The following SULF2 variants were observed in gnomAD, a reference collection of about 807,000 sequenced individuals.
The protein encoded by SULF2 is sulfatase 2.
In SULF2, 52 loss-of-function variants were observed where a neutral mutation model predicts 107.7. That is an observed-to-expected ratio of 0.48 (90% CI 0.39 to 0.61). The LOEUF (loss-of-function observed/expected upper bound fraction) is 0.61, where lower values mean the gene tolerates loss of function less well. Ranked by LOEUF, SULF2 falls within the 20% of genes least tolerant of loss-of-function variation. The probability of loss-of-function intolerance (pLI) is 0.00; values close to 1 mark genes in which losing one functional copy is unlikely to be tolerated. For synonymous variants in SULF2, 460 were observed against 464.3 expected (o/e 0.99, Z 0.12); for missense variants, 993 against 1,177.3 (o/e 0.84, Z 2.29).
At chr20:47,670,801 C>T (rs1047827466) in intron 11 of SULF2, among the ~76,000 whole-genome samples, 2 of 109,742 alleles carry the variant, frequency 1.8e-5, no homozygotes, top group Non-Finnish European at 4.0e-5. Flanking sequence ...AGATAGGTTG[C>T]GTACTAGTGG....
chr20:47,673,746 C>A (rs761805226), intron 10 of SULF2, among the ~76,000 whole-genome samples: 8 of 152,190 alleles, frequency 5.3e-5, no homozygotes, highest in African/African-American at 1.9e-4. Context: ...AGCCCAGAAG[C>A]GCCTGGGGGA....
At chr20:47,770,834 G>C (rs1322256070) in intron 1 of SULF2, among the ~76,000 whole-genome samples, 1 of 152,184 alleles carries the variant, frequency 6.6e-6, no homozygotes. Flanking sequence ...CAGCATGGCG[G>C]CCTTGCAGTG....
intron 11 of SULF2, among the ~76,000 whole-genome samples, chr20:47,668,131 G>C (rs1467598947): frequency 6.6e-6 from 1 of 152,198 alleles, no homozygotes; most frequent in Non-Finnish European, 1.5e-5. Flanking sequence ...TCAGGAAATA[G>C]ACCCAGCGTG....
intron 1 of SULF2, among the ~76,000 whole-genome samples, chr20:47,760,972 C>T (rs767474951): frequency 6.6e-6 from 1 of 152,208 alleles, no homozygotes; most frequent in Non-Finnish European, 1.5e-5. Flanking sequence ...GCTGAAAGAC[C>T]CTGAGCTAGT....
Position 47,667,535 on chromosome 20 carries a change from C to T in SULF2, c.1577-1047G>A, listed in dbSNP as rs73131834. Among the ~76,000 whole-genome samples, 1,376 of 152,194 alleles carry T rather than the reference C, an allele frequency of 9.0e-3. 7 individuals carry two copies. The highest frequency in any genetic ancestry group is 0.015 in the Non-Finnish European group (992 of 67,976). On this transcript the variant is annotated intron_variant, in intron 11 of 20. Transcript: ENST00000688720. ...TTCCAGAAAGGAAACAGATGTCTCA[C>T]GGGCCCACAGTTCCATATGGTCAGG... is the stretch of plus-strand genomic sequence containing the variant.
chr20:47,687,576 A>G (rs2088051660), intron 5 of SULF2, among the ~76,000 whole-genome samples: 2 of 152,036 alleles, frequency 1.3e-5, no homozygotes, highest in Non-Finnish European at 1.5e-5. Flanking sequence ...TTTGAAGGGA[A>G]GCTCTGAGGG....
intron 2 of SULF2, among the ~76,000 whole-genome samples, chr20:47,755,108 G>T (rs6018672): frequency 6.6e-6 from 1 of 152,216 alleles, no homozygotes; most frequent in Non-Finnish European, 1.5e-5. Flanking sequence ...TGGGATTACA[G>T]GCGTGAGCCA....
In SULF2 at chr20:47,665,217, C is replaced by T; in HGVS notation, c.1979G>A (p.Cys660Tyr). 6.2e-7 allele frequency: 1 copy of T among 1,613,850 alleles called. No homozygotes were observed. The highest frequency in any genetic ancestry group is 8.5e-7 in the Non-Finnish European group (1 of 1,179,700). Residue 660 changes from cysteine (C) to tyrosine (Y), a missense_variant, in exon 14 of 21, where the codon TGT becomes TAT. Coordinates refer to ENST00000688720, the MANE Select transcript of SULF2 (RefSeq NM_001387048.1). Reference protein sequence around the residue: ...GHLKKKRPEECDCHKISYHTQ... With the variant: ...GHLKKKRPEEYDCHKISYHTQ... ...GCCTCACCTGATTTTGTGACAGTCA[C>T]ATTCTTCTGGCCGCTTTTTCTTCAG...
In SULF2 at chr20:47,694,252, G is replaced by A. The variant is rs1009197380; in HGVS notation, c.568-3957C>T. 3.3e-5 allele frequency among the ~76,000 whole-genome samples: 5 copies of A among 152,198 alleles called. No individual in the cohort carries two copies. The highest frequency in any genetic ancestry group is 7.3e-5 in the Non-Finnish European group (5 of 68,030). ...CAGGGTGGCGGGGGCAGCATCCAGCGATGCTCAGGGGCAGCCAGGACAGCC... is the reference window on the plus strand; with the variant it reads ...CAGGGTGGCGGGGGCAGCATCCAGCAATGCTCAGGGGCAGCCAGGACAGCC... On this transcript the variant is annotated intron_variant, in intron 4 of 20. Coordinates refer to ENST00000688720, the MANE Select transcript of SULF2 (RefSeq NM_001387048.1). This position sits in a 1 kb window ranked among gnomAD's most constrained non-coding sequence, Gnocchi z 4.4.
intron 1 of SULF2, among the ~76,000 whole-genome samples, chr20:47,764,172 G>T (rs1018826500): frequency 3.9e-5 from 6 of 152,168 alleles, no homozygotes; most frequent in Non-Finnish European, 8.8e-5. Flanking sequence ...CACCTTGGCA[G>T]GTTAAAACCG....
chr20:47,771,177 G>A (rs2090623706), intron 1 of SULF2, among the ~76,000 whole-genome samples: 1 of 152,148 alleles, frequency 6.6e-6, no homozygotes, highest in African/African-American at 2.4e-5. Flanking sequence ...TCGGGGCTGG[G>A]CGTTTGTGCT....
chr20:47,661,111 G>T (rs1264787488), intron 18 of SULF2, among the ~76,000 whole-genome samples: 1 of 152,060 alleles, frequency 6.6e-6, no homozygotes, highest in East Asian at 1.9e-4. Context: ...AAACTCTACC[G>T]TGGCCTAGGA....
intron 3 of SULF2, among the ~76,000 whole-genome samples, chr20:47,717,717 C>A (rs1479997733): frequency 1.3e-5 from 2 of 152,142 alleles, no homozygotes; most frequent in African/African-American, 4.8e-5. Context: ...AGGACCCGGG[C>A]ACTTTGCCTT....
intron 5 of SULF2, 63 bp from the exon 6 acceptor site, chr20:47,684,644 C>T (rs750284682): frequency 1.0e-4 from 161 of 1,551,264 alleles, no homozygotes; most frequent in Non-Finnish European, 1.3e-4. Flanking sequence ...GCCTGGCCCC[C>T]GCCAGACCCG....
chr20:47,683,889 G>A (rs2087910345), intron 6 of SULF2, among the ~76,000 whole-genome samples: 1 of 152,244 alleles, frequency 6.6e-6, no homozygotes, highest in Non-Finnish European at 1.5e-5. Context: ...AAGGCGCTGG[G>A]CACAGAAGGC....
intron 11 of SULF2, among the ~76,000 whole-genome samples, chr20:47,667,513 C>G (rs1432469950): frequency 6.6e-6 from 1 of 151,990 alleles, no homozygotes; most frequent in Non-Finnish European, 1.5e-5. Flanking sequence ...TTCCAGCTTC[C>G]AGAAAGGAAA....
upstream of SULF2, chr20:47,785,530 C>G (rs1245517901): frequency 6.9e-6 from 1 of 145,622 alleles, no homozygotes; most frequent in African/African-American, 2.5e-5. Context: ...CCTCCCCGCC[C>G]CCCAACGCCG....
At chr20:47,682,435 G>C (rs969354477) in intron 7 of SULF2, among the ~76,000 whole-genome samples, 68 of 152,328 alleles carry the variant, frequency 4.5e-4, no homozygotes, top group African/African-American at 1.6e-3. Flanking sequence ...TGGCCTGTCC[G>C]CTCCCCTGCC....
At chr20:47,735,122 CT>C (rs1161264518) in intron 3 of SULF2, among the ~76,000 whole-genome samples, 1 of 152,154 alleles carries the variant, frequency 6.6e-6, no homozygotes, top group East Asian at 1.9e-4. Context: ...AAACACCTCA[CT>C]TTGACTCTGG....
Sources: gnomAD v4.1 joint callset for allele counts (sites outside exome capture counted in the v4.1 genomes callset) on GRCh38, gnomAD v4.1.1 for gene constraint, Gnocchi (gnomAD v3.1) non-coding constraint, MANE v1.5 for transcripts, NCBI Gene and HGNC (gene_info 2026-07-23, HGNC 2026-07-21) for gene names.